Variants in INPP4B observed in about 807,000 individuals in gnomAD.
INPP4B encodes inositol polyphosphate 4-phosphatase type II.
A neutral mutation model predicts 122.5 loss-of-function variants in INPP4B; 55 were observed. The observed-to-expected ratio is 0.45, with a 90% CI of 0.36 to 0.56. The LOEUF (loss-of-function observed/expected upper bound fraction) is 0.56, where lower values mean the gene tolerates loss of function less well. Ranked by LOEUF, INPP4B falls within the 20% of genes least tolerant of loss-of-function variation. The pLI is 0.00. For synonymous variants in INPP4B, 403 were observed against 388.7 expected (o/e 1.04, Z -0.43); for missense variants, 1,000 against 1,097.7 (o/e 0.91, Z 1.26).
At chr4:142,408,430 G>A (rs983227916) in intron 5 of INPP4B, among the ~76,000 whole-genome samples, 22 of 151,858 alleles carry the variant, frequency 1.4e-4, no homozygotes, top group African/African-American at 5.3e-4. Context: ...GCACACTCCT[G>A]TAGTGCCAGC....
intron 7 of INPP4B, among the ~76,000 whole-genome samples, chr4:142,372,496 A>T (rs138466942): frequency 6.6e-6 from 1 of 152,234 alleles, no homozygotes; most frequent in East Asian, 1.9e-4. Flanking sequence ...GTATCAAAAT[A>T]TCACATGTAC....
At chr4:142,314,648 G>A (rs925672331) in intron 8 of INPP4B, 64 bp downstream of exon 8, 2 of 1,484,166 alleles carry the variant, frequency 1.3e-6, no homozygotes, top group African/African-American at 2.8e-5. Flanking sequence ...GGAGGCCAGA[G>A]AAAATCCAAA....
chr4:142,049,559 T>C (rs1331148257), intron 25 of INPP4B, among the ~76,000 whole-genome samples: 1 of 152,018 alleles, frequency 6.6e-6, no homozygotes, highest in Non-Finnish European at 1.5e-5. Flanking sequence ...TAGTTATCTA[T>C]GACTGTATAG....
chr4:142,308,115 G>A (rs1764137543), intron 8 of INPP4B, among the ~76,000 whole-genome samples: 1 of 152,178 alleles, frequency 6.6e-6, no homozygotes, highest in Non-Finnish European at 1.5e-5. Flanking sequence ...TCTCCTAGCT[G>A]AGCCCAGTGT....
intron 17 of INPP4B, 100 bp from the exon 18 acceptor site, chr4:142,146,096 AT>A: frequency 7.7e-7 from 1 of 1,297,830 alleles, no homozygotes. Flanking sequence ...AAGGGTAGTC[AT>A]TAGAATGCAG....
At chr4:142,429,306 G>T in intron 4 of INPP4B, 89 bp from the exon 5 acceptor site, 2 of 693,136 alleles carry the variant, frequency 2.9e-6, no homozygotes, top group East Asian at 2.8e-5. Context: ...ATTGTGACCA[G>T]AATGAATAAA....
At chr4:142,194,206 G>A (rs905716401) in intron 14 of INPP4B, among the ~76,000 whole-genome samples, 2 of 152,108 alleles carry the variant, frequency 1.3e-5, no homozygotes, top group African/African-American at 4.8e-5. Context: ...TTCAGAAAAT[G>A]CAAGATCACA....
At chr4:142,037,359 A>G (rs1744628584) in intron 25 of INPP4B, among the ~76,000 whole-genome samples, 1 of 152,122 alleles carries the variant, frequency 6.6e-6, no homozygotes, top group Non-Finnish European at 1.5e-5. Flanking sequence ...GCTGTATCCT[A>G]GATCACAAGT....
chr4:142,758,877 C>G, intron 1 of INPP4B, among the ~76,000 whole-genome samples: 1 of 150,694 alleles, frequency 6.6e-6, no homozygotes, highest in East Asian at 2.0e-4. Flanking sequence ...CGCTTGAACC[C>G]AGATGGTGGA....
At chr4:142,318,736 A>C (rs1337555133) in intron 7 of INPP4B, among the ~76,000 whole-genome samples, 1 of 152,172 alleles carries the variant, frequency 6.6e-6, no homozygotes, top group Non-Finnish European at 1.5e-5. Flanking sequence ...TCTAAAATAA[A>C]TTTCCTGCTC....
chr4:142,245,312 T>G (rs915531086), intron 11 of INPP4B, among the ~76,000 whole-genome samples: 1 of 152,204 alleles, frequency 6.6e-6, no homozygotes, highest in Non-Finnish European at 1.5e-5. Flanking sequence ...TGAATGGTAT[T>G]GCCTAGATTT....
At chr4:142,802,275 G>C (rs1448876183) in intron 1 of INPP4B, among the ~76,000 whole-genome samples, 1 of 152,168 alleles carries the variant, frequency 6.6e-6, no homozygotes, top group Non-Finnish European at 1.5e-5. Context: ...AGACTGTTTA[G>C]TAGGCATTTG....
At chr4:142,570,130 G>A (rs1261530203) in intron 2 of INPP4B, among the ~76,000 whole-genome samples, 1 of 151,992 alleles carries the variant, frequency 6.6e-6, no homozygotes, top group Non-Finnish European at 1.5e-5. Flanking sequence ...ATTTTTCTGT[G>A]TCTATGAACC....
chr4:142,430,217 AT>A (rs1376548357), intron 4 of INPP4B, among the ~76,000 whole-genome samples: 1 of 151,992 alleles, frequency 6.6e-6, no homozygotes, highest in Non-Finnish European at 1.5e-5. Flanking sequence ...CAGTAACTAT[AT>A]TTTTTCTCCT....
chr4:142,040,974 C>T (rs1481691196), intron 25 of INPP4B, among the ~76,000 whole-genome samples: 1 of 152,140 alleles, frequency 6.6e-6, no homozygotes, highest in South Asian at 2.1e-4. Context: ...GAGGTAAATT[C>T]ATCACGACAC....
intron 24 of INPP4B, 96 bp from the exon 25 acceptor site, chr4:142,082,281 T>C: frequency 9.6e-7 from 1 of 1,040,734 alleles, no homozygotes; most frequent in Non-Finnish European, 1.3e-6. Flanking sequence ...ACATCAAATA[T>C]AAATTTGGGT....
intron 2 of INPP4B, among the ~76,000 whole-genome samples, chr4:142,651,955 G>A (rs377694978): frequency 2.9e-4 from 44 of 152,204 alleles, no homozygotes; most frequent in African/African-American, 9.6e-4. Context: ...GATGAACATC[G>A]ATACAAAAAT....
chr4:142,404,747 GA>G (rs1306645874), intron 6 of INPP4B, among the ~76,000 whole-genome samples: 2 of 151,628 alleles, frequency 1.3e-5, no homozygotes, highest in Non-Finnish European at 1.5e-5. Context: ...ATACCGGGGG[GA>G]AAAAAAGCAA....
chr4:142,463,416 C>T (rs1250425705), intron 2 of INPP4B, among the ~76,000 whole-genome samples: 1 of 152,162 alleles, frequency 6.6e-6, no homozygotes, highest in Non-Finnish European at 1.5e-5. Flanking sequence ...CATCATTTTG[C>T]TGGCAGCTTT....
Sources: allele counts gnomAD v4.1 joint callset (sites outside exome capture counted in the v4.1 genomes callset), GRCh38; gene constraint gnomAD v4.1.1; transcripts MANE v1.5; gene names NCBI Gene and HGNC (gene_info 2026-07-23, HGNC 2026-07-21).